Variants in WDR7 observed in about 807,000 individuals in gnomAD.
The protein encoded by WDR7 is WD repeat domain 7.
In WDR7, 46 loss-of-function variants were observed where a neutral mutation model predicts 169.4. The observed-to-expected ratio is 0.27, with a 90% CI of 0.21 to 0.35. The LOEUF is 0.35. Among genes scored for constraint, WDR7 ranks in the 10% least tolerant of loss-of-function variants. WDR7 has a pLI of 1.00. For synonymous variants in WDR7, 612 were observed against 666.8 expected, an observed-to-expected ratio of 0.92 and a Z score of 1.27; for missense variants, 1,534 against 1,859.3, an observed-to-expected ratio of 0.83 and a Z score of 3.22.
At position 56,938,743 on chromosome 18, in the gene WDR7, A is replaced by T; in HGVS notation, c.3981+61A>T. On this transcript the variant is annotated intron_variant, in intron 24 of 27. Coordinates refer to ENST00000254442, the MANE Select transcript of WDR7 (RefSeq NM_015285.3). ...CCTAAATTAAATATTCTAATGAAGTAATATAAATCAGTATCTTTATTTCCA... is the reference window on the plus strand; with the variant it reads ...CCTAAATTAAATATTCTAATGAAGTTATATAAATCAGTATCTTTATTTCCA... The T allele has an allele frequency of 5.7e-6, 9 of 1,576,570 alleles. No individual in the cohort carries two copies. The South Asian group carries it at 6.9e-5, about 12-fold the overall frequency.
rs1041403147 is a variant in WDR7, at chr18:56,917,604, C to T, written c.3527-6318C>T. Among the ~76,000 whole-genome samples the T allele has an allele frequency of 2.0e-5, 3 of 152,232 alleles. 1 individual carries two copies. The highest frequency in any genetic ancestry group is 4.2e-4 in the South Asian group (2 of 4,816). On this transcript the variant is annotated intron_variant, in intron 21 of 27. Transcript: ENST00000254442. Reference sequence around the variant, plus strand: ...GCTTTTAAAAGGGCTAGCCATTATACGTAGCCAGATACTACAAAAGTTTTA... The same window carrying T: ...GCTTTTAAAAGGGCTAGCCATTATATGTAGCCAGATACTACAAAAGTTTTA...
At chr18:56,985,697 A>G (rs561632204) in intron 26 of WDR7, among the ~76,000 whole-genome samples, 1 of 151,906 alleles carries the variant, frequency 6.6e-6, no homozygotes, top group South Asian at 2.1e-4. Flanking sequence ...TGGAGGTTTT[A>G]TATATTTTAT....
intron 20 of WDR7, among the ~76,000 whole-genome samples, chr18:56,862,190 T>A (rs189996278): frequency 1.8e-4 from 28 of 152,092 alleles, no homozygotes; most frequent in African/African-American, 6.3e-4. Flanking sequence ...ATGTTGTATA[T>A]CTTGGAAGTC....
chr18:56,862,864 A>AG (rs886948530), intron 20 of WDR7, among the ~76,000 whole-genome samples: 25 of 151,840 alleles, frequency 1.6e-4, no homozygotes, highest in African/African-American at 5.3e-4. Context: ...TCCAATAAAA[A>AG]CCTAGTCTGT....
intron 19 of WDR7, among the ~76,000 whole-genome samples, chr18:56,803,366 A>G (rs2044710759): frequency 6.6e-6 from 1 of 152,200 alleles, no homozygotes; most frequent in Non-Finnish European, 1.5e-5. Flanking sequence ...AGAGGTTAAG[A>G]GTCAAAAGCG....
chr18:56,804,146 T>C (rs1360430221), intron 19 of WDR7, among the ~76,000 whole-genome samples: 4 of 152,222 alleles, frequency 2.6e-5, no homozygotes, highest in Non-Finnish European at 5.9e-5. Flanking sequence ...CTTGTATTCA[T>C]CAGGTTTTAT....
intron 26 of WDR7, among the ~76,000 whole-genome samples, chr18:57,019,938 C>A (rs556188965): frequency 4.6e-5 from 7 of 152,320 alleles, no homozygotes; most frequent in Admixed American, 3.3e-4. Flanking sequence ...TAGTTCAGTA[C>A]AGGGAGATTA....
chr18:56,716,899 T>C (rs2026204373), intron 12 of WDR7, among the ~76,000 whole-genome samples: 1 of 152,210 alleles, frequency 6.6e-6, no homozygotes, highest in Non-Finnish European at 1.5e-5. Context: ...CTCCCTTTTT[T>C]TCACCTAATA....
chr18:56,928,715 G>A (rs1221620147), intron 22 of WDR7, among the ~76,000 whole-genome samples: 1 of 152,020 alleles, frequency 6.6e-6, no homozygotes, highest in Non-Finnish European at 1.5e-5. Flanking sequence ...TCCTCAACTT[G>A]TTTTAGAGAA....
At position 56,948,701 on chromosome 18, in the gene WDR7, G is replaced by A. The variant is rs564662061; in HGVS notation, c.4064+9308G>A. On this transcript the variant is annotated intron_variant, in intron 25 of 27. Transcript: ENST00000254442. ...CTCCTGTCCTTCATTTTAAAAACAG[G>A]CAAACTGATGAGCTTTTTTTGTGCT... Among the ~76,000 whole-genome samples the A allele has an allele frequency of 2.6e-5, 4 of 152,266 alleles. No homozygotes were observed. In the South Asian group the frequency reaches 8.3e-4, roughly 32 times the overall value.
At chr18:56,999,228 C>T (rs945790261) in intron 26 of WDR7, among the ~76,000 whole-genome samples, 16 of 152,240 alleles carry the variant, frequency 1.1e-4, no homozygotes, top group African/African-American at 3.9e-4. Context: ...TCTACAAAAT[C>T]CATCTGGTTT....
At chr18:56,698,799 G>C (rs897769865) in intron 12 of WDR7, among the ~76,000 whole-genome samples, 1 of 152,204 alleles carries the variant, frequency 6.6e-6, no homozygotes, top group Non-Finnish European at 1.5e-5. Flanking sequence ...AAATGATCTA[G>C]ACAGGGAAGT....
intron 2 of WDR7, 51 bp downstream of exon 2, chr18:56,672,725 T>C (rs374970957): frequency 2.7e-6 from 4 of 1,488,332 alleles, no homozygotes; most frequent in Non-Finnish European, 3.6e-6. Flanking sequence ...AATCTACTTA[T>C]TAGAAGATAA....
intron 22 of WDR7, among the ~76,000 whole-genome samples, 186 bp downstream of exon 22, chr18:56,924,294 C>T (rs1008715323): frequency 6.6e-6 from 1 of 152,084 alleles, no homozygotes; most frequent in Non-Finnish European, 1.5e-5. Flanking sequence ...AATTTTAACA[C>T]AATCGGGATT....
intron 22 of WDR7, among the ~76,000 whole-genome samples, chr18:56,929,417 C>T (rs776569500): frequency 1.3e-5 from 2 of 152,182 alleles, no homozygotes; most frequent in Non-Finnish European, 2.9e-5. Flanking sequence ...AAGTGATTTG[C>T]ACACAATAAA....
intron 19 of WDR7, among the ~76,000 whole-genome samples, chr18:56,812,353 A>T (rs1229011520): frequency 6.6e-6 from 1 of 152,164 alleles, no homozygotes; most frequent in East Asian, 1.9e-4. Context: ...CTAACTTATT[A>T]GTTTCGATAA....
intron 20 of WDR7, among the ~76,000 whole-genome samples, chr18:56,850,695 T>C (rs1599099558): frequency 6.6e-6 from 1 of 152,202 alleles, no homozygotes; most frequent in South Asian, 2.1e-4. Context: ...TTATTGTTTA[T>C]AGAGATAGGG....
intron 25 of WDR7, among the ~76,000 whole-genome samples, chr18:56,960,038 A>C (rs1251763036): frequency 6.6e-6 from 1 of 152,220 alleles, no homozygotes; most frequent in African/African-American, 2.4e-5. Context: ...TAAAAAGTTT[A>C]ACAAGAAATC....
At chr18:56,802,794 A>C (rs1339286945) in intron 19 of WDR7, among the ~76,000 whole-genome samples, 4 of 152,152 alleles carry the variant, frequency 2.6e-5, no homozygotes, top group African/African-American at 7.2e-5. Flanking sequence ...TCCTTTGCAG[A>C]GCAAAAGTTT....
Sources: allele counts gnomAD v4.1 joint callset (sites outside exome capture counted in the v4.1 genomes callset), GRCh38; gene constraint gnomAD v4.1.1; transcripts MANE v1.5; gene names NCBI Gene and HGNC (gene_info 2026-07-23, HGNC 2026-07-21).